The following ARRDC3 variants were observed in gnomAD, a reference collection of about 807,000 sequenced individuals.
The protein encoded by ARRDC3 is arrestin domain containing 3, also known as arrestin domain-containing protein 3.
Under a neutral mutation model 47.2 loss-of-function variants are expected in ARRDC3, and 10 were observed. That is an observed-to-expected ratio of 0.21 (90% CI 0.13 to 0.36). The LOEUF (loss-of-function observed/expected upper bound fraction) is 0.36. Ranked by LOEUF, ARRDC3 falls within the 10% of genes least tolerant of loss-of-function variation. ARRDC3 has a pLI of 1.00. For synonymous variants in ARRDC3, 156 were observed against 178.3 expected (o/e 0.87, Z 1.00); for missense variants, 381 against 503.6 (o/e 0.76, Z 2.33).
rs374219470 is a variant in ARRDC3, at chr5:91,374,934, T to C, written c.858A>G (p.Glu286=). 6.2e-7 allele frequency: 1 copy of C among 1,613,964 alleles called. No homozygotes were observed. Among genetic ancestry groups the C allele is most frequent in the African/African-American group, 1.3e-5 (1 of 74,926 alleles). The change falls in exon 5 of 8, where the codon GAA becomes GAG. Residue 286 remains glutamate, a synonymous_variant. Transcript: ENST00000265138. ...SILDCSIIRV[E]YSLMVYVDIP... ...AATGTGTACATACCATTAGTGAATA[T>C]TCCACGCGGATTATACTACAGTCGA...
chr5:91,373,591 A>G, intron 7 of ARRDC3, 93 bp downstream of exon 7: 1 of 1,207,336 alleles, frequency 8.3e-7, no homozygotes, highest in Non-Finnish European at 1.2e-6. Context: ...TAACATGATA[A>G]TCAAGATCTA....
intron 1 of ARRDC3, chr5:91,379,991 G>A (rs1185731717): frequency 6.6e-6 from 1 of 152,138 alleles, no homozygotes; most frequent in Non-Finnish European, 1.5e-5. Flanking sequence ...TGATGAGCTG[G>A]GGGCCATTTA....
chr5:91,373,626 T>A, intron 7 of ARRDC3, 58 bp downstream of exon 7: 1 of 1,506,886 alleles, frequency 6.6e-7, no homozygotes, highest in Non-Finnish European at 9.0e-7. Flanking sequence ...AAAAAATGCC[T>A]GCAATGCTAT....
At position 91,369,424 on chromosome 5, in the gene ARRDC3, T is replaced by A. The variant is rs536347506; in HGVS notation, c.*1976A>T. ...ATTTCCTTATTATCTAGTATTAGTT[T>A]GCTACGGGAGCCCAAACTCTTTAAC... is the stretch of plus-strand genomic sequence containing the variant. On this transcript the variant is annotated 3_prime_UTR_variant, in exon 8 of 8. Coordinates refer to ENST00000265138, the MANE Select transcript of ARRDC3 (RefSeq NM_020801.4). 16 of 152,342 alleles carry A rather than the reference T, an allele frequency of 1.1e-4. No homozygotes were observed. Among genetic ancestry groups the A allele is most frequent in the African/African-American group, 3.6e-4 (15 of 41,424 alleles). The allele number at this position is 152,342 out of a possible 1,614,324, so 9.4% of individuals were successfully genotyped here.
At chr5:91,374,844 C>T in intron 5 of ARRDC3, 78 bp downstream of exon 5, 2 of 1,433,990 alleles carry the variant, frequency 1.4e-6, no homozygotes, top group South Asian at 2.6e-5. Context: ...TGAGACTGTG[C>T]CACTGCATTC....
At chr5:91,378,474 T>C (rs1799357289) in intron 2 of ARRDC3, among the ~76,000 whole-genome samples, 1 of 152,082 alleles carries the variant, frequency 6.6e-6, no homozygotes, top group Non-Finnish European at 1.5e-5. Flanking sequence ...TCATAAACTT[T>C]AGGAAAGAAT....
At position 91,374,236 on chromosome 5, in the gene ARRDC3, T is replaced by C. The variant is rs1799247442; in HGVS notation, c.911A>G (p.Asn304Ser). The C allele has an allele frequency of 6.2e-7, 1 of 1,613,704 alleles. No homozygotes were observed. Among genetic ancestry groups the C allele is most frequent in the South Asian group, 1.1e-5 (1 of 91,066 alleles). The change falls in exon 6 of 8, where the codon AAT becomes AGT. Residue 304 changes from asparagine to serine, a missense_variant. Asn to Ser is a conservative substitution (Grantham distance 46). Coordinates refer to ENST00000265138, the MANE Select transcript of ARRDC3 (RefSeq NM_020801.4). ...DIPGAMDLFL[N>S]LPLVIGTIPL... is the part of the protein sequence containing the mutation. ...AATGGTACCGATGACAAGTGGCAAA[T>C]TAAGAAATAAATCCATAGCTCCAGG...
chr5:91,373,635 A>G (rs1283128494), intron 7 of ARRDC3, 49 bp downstream of exon 7: 3 of 1,543,650 alleles, frequency 1.9e-6, no homozygotes, highest in African/African-American at 2.7e-5. Flanking sequence ...CTGCAATGCT[A>G]TTTCCCAAGA....
rs1799313254 is a variant in ARRDC3, at chr5:91,376,773, G to A, written c.363-5C>T. On this transcript the variant is annotated splice_region_variant and splice_polypyrimidine_tract_variant and intron_variant, in intron 2 of 7. Coordinates refer to ENST00000265138, the MANE Select transcript of ARRDC3 (RefSeq NM_020801.4). ...TCGAATGAGGTAGCGAGTGGTCTGT[G>A]CAGAATATAAAGGTCAATATATTAA... 6.2e-7 allele frequency: 1 copy of A among 1,609,056 alleles called. No homozygotes were observed. Among genetic ancestry groups the A allele is most frequent in the Non-Finnish European group, 8.5e-7 (1 of 1,178,472 alleles).
intron 1 of ARRDC3, among the ~76,000 whole-genome samples, chr5:91,379,515 C>T (rs1380145118): frequency 6.6e-6 from 1 of 151,860 alleles, no homozygotes; most frequent in Non-Finnish European, 1.5e-5. Flanking sequence ...TTTCCAACAT[C>T]CTTGAAAAAA....
At position 91,375,508 on chromosome 5, in the gene ARRDC3, T is replaced by C; in HGVS notation, c.613+3A>G. ...TTTTTGTGGGAATCTACCTCTTACA[T>C]ACCTGGGGTATAGCCCTTCCTTTCA... On this transcript the variant is annotated splice_donor_region_variant and intron_variant, in intron 4 of 7. Coordinates refer to ENST00000265138, the MANE Select transcript of ARRDC3 (RefSeq NM_020801.4). 1.9e-6 allele frequency: 3 copies of C among 1,598,860 alleles called. No individual in the cohort carries two copies. Among genetic ancestry groups the C allele is most frequent in the Non-Finnish European group, 2.6e-6 (3 of 1,171,418 alleles).
In ARRDC3 at chr5:91,369,464, C is replaced by T. The variant is rs571967504; in HGVS notation, c.*1936G>A. 6.6e-6 allele frequency: 1 copy of T among 152,224 alleles called. No homozygotes were observed. The highest frequency in any genetic ancestry group is 2.4e-5 in the African/African-American group (1 of 41,406). The allele number at this position is 152,224 out of a possible 1,614,324, so 9.4% of individuals were successfully genotyped here. On this transcript the variant is annotated 3_prime_UTR_variant, in exon 8 of 8. Transcript: ENST00000265138. Reference sequence around the variant, plus strand: ...AACTCTTTAACCGAATCACTTAAAACGCGATTCATTTTTACACTGGGCTTT... The same window carrying T: ...AACTCTTTAACCGAATCACTTAAAATGCGATTCATTTTTACACTGGGCTTT...
chr5:91,370,996 C>A lies in ARRDC3; in HGVS notation c.*404G>T. 8.5e-6 allele frequency: 1 copy of A among 117,088 alleles called. No homozygotes were observed. Among genetic ancestry groups the A allele is most frequent in the Admixed American group, 1.0e-4 (1 of 9,550 alleles). The allele number at this position is 117,088 out of a possible 1,614,324, so 7.3% of individuals were successfully genotyped here. A position where few individuals can be genotyped will look rare whatever the true frequency, so the allele number is the denominator to read the frequency against. On this transcript the variant is annotated 3_prime_UTR_variant, in exon 8 of 8. Coordinates refer to ENST00000265138, the MANE Select transcript of ARRDC3 (RefSeq NM_020801.4). ...AACAAGTTTTAAGAGTATCAAGAGTCTGGCAAAAATAGAAAAAAAAAAAAA... is the reference window on the plus strand; with the variant it reads ...AACAAGTTTTAAGAGTATCAAGAGTATGGCAAAAATAGAAAAAAAAAAAAA...
intron 5 of ARRDC3, 130 bp downstream of exon 5, chr5:91,374,792 G>A: frequency 2.2e-6 from 2 of 906,706 alleles, no homozygotes; most frequent in Non-Finnish European, 3.3e-6. Flanking sequence ...AGCTGAGGTG[G>A]GAGGATCACT....
chr5:91,371,078 A>C lies in ARRDC3; in HGVS notation c.*322T>G. 3.6e-6 allele frequency: 1 copy of C among 279,116 alleles called. No homozygotes were observed. Among genetic ancestry groups the C allele is most frequent in the Non-Finnish European group, 6.7e-6 (1 of 149,988 alleles). The allele number at this position is 279,116 out of a possible 1,614,324, so 17.3% of individuals were successfully genotyped here. The stretch of plus-strand genomic sequence containing the variant: ...CACAATGTAAGCATTGAGCATGTGC[A>C]AATTTTCAAATCAAAAGAAGGAAAT... On this transcript the variant is annotated 3_prime_UTR_variant, in exon 8 of 8. Coordinates refer to ENST00000265138, the MANE Select transcript of ARRDC3 (RefSeq NM_020801.4).
Position 91,375,617 on chromosome 5 carries a change from T to C in ARRDC3, c.511-4A>G. 1.2e-6 allele frequency: 2 copies of C among 1,601,180 alleles called. No homozygotes were observed. Among genetic ancestry groups the C allele is most frequent in the East Asian group, 2.3e-5 (1 of 44,388 alleles). On this transcript the variant is annotated splice_region_variant and splice_polypyrimidine_tract_variant and intron_variant, in intron 3 of 7. Coordinates refer to ENST00000265138, the MANE Select transcript of ARRDC3 (RefSeq NM_020801.4). ...CTTTTGTGCCTGCTTGGGGTGACTG[T>C]AAGAAAAAAATTAAGAGAAAAAGGT...
intron 1 of ARRDC3, among the ~76,000 whole-genome samples, 168 bp downstream of exon 1, chr5:91,382,645 C>T (rs1304706883): frequency 2.0e-5 from 3 of 152,240 alleles, no homozygotes; most frequent in Non-Finnish European, 4.4e-5. Context: ...GCATGCATTA[C>T]GGCTTAACAC....
Position 91,376,536 on chromosome 5 carries a change from T to C in ARRDC3, c.510+85A>G, listed in dbSNP as rs368014644. The C allele has an allele frequency of 1.1e-3, 1,306 of 1,187,086 alleles. 17 individuals carry two copies. The South Asian group carries it at 0.022, about 20-fold the overall frequency. 73.5% of individuals were successfully genotyped at this position (1,187,086 alleles called of 1,614,324 possible). A position where few individuals can be genotyped will look rare whatever the true frequency, so the allele number is the denominator to read the frequency against. ...AAAGAAAACCAGTATTTTTAAATTA[T>C]GACAACTGCATAGTTTAGGTGATTG... is the stretch of plus-strand genomic sequence containing the variant. On this transcript the variant is annotated intron_variant, in intron 3 of 7. Transcript: ENST00000265138.
Position 91,375,173 on chromosome 5 carries a change from A to C in ARRDC3, c.619T>G (p.Ser207Ala). The C allele has an allele frequency of 1.2e-6, 2 of 1,612,932 alleles. No individual in the cohort carries two copies. Residue 207 changes from serine (S) to alanine (A), a missense_variant, in exon 5 of 8, where the codon TCA becomes GCA. Ser to Ala is a moderately conservative substitution (Grantham distance 99). Coordinates refer to ENST00000265138, the MANE Select transcript of ARRDC3 (RefSeq NM_020801.4). Reference protein sequence around the residue: ...IERKGYTPGESIQIFAEIENC... With the variant: ...IERKGYTPGEAIQIFAEIENC... ...TCAATCTCAGCAAATATCTGAATTG[A>C]TTCACCTAGAGAGGGAAAAATATAT...
Sources: allele counts gnomAD v4.1 joint callset (sites outside exome capture counted in the v4.1 genomes callset), GRCh38; gene constraint gnomAD v4.1.1; transcripts MANE v1.5; gene names NCBI Gene and HGNC (gene_info 2026-07-23, HGNC 2026-07-21).